THADA: variants seen among roughly 807,000 people sequenced by gnomAD.
The protein encoded by THADA is tRNA (32-2'-O)-methyltransferase regulator THADA.
In THADA, 213 loss-of-function variants were observed where a neutral mutation model predicts 219.8. That is an observed-to-expected ratio of 0.97 (90% CI 0.87 to 1.09). The LOEUF is 1.09. THADA is among the 50% of genes least tolerant of loss of function. The probability of loss-of-function intolerance (pLI) is 0.00; values close to 1 mark genes in which losing one functional copy is unlikely to be tolerated. For missense variants in THADA, 2,956 were observed against 2,311.3 expected, an observed-to-expected ratio of 1.28 and a Z score of -5.72; for synonymous variants, 1,018 against 828.9, an observed-to-expected ratio of 1.23 and a Z score of -3.92.
intron 26 of THADA, among the ~76,000 whole-genome samples, chr2:43,479,948 A>G (rs1685990958): frequency 6.6e-6 from 1 of 152,194 alleles, no homozygotes; most frequent in Non-Finnish European, 1.5e-5. Context: ...AAATCAACCT[A>G]CTATGTGGGA....
chr2:43,461,136 A>C (rs1683593554), intron 26 of THADA, among the ~76,000 whole-genome samples: 1 of 152,202 alleles, frequency 6.6e-6, no homozygotes, highest in African/African-American at 2.4e-5. Context: ...CTTATTTCTC[A>C]AACACTGGAA....
chr2:43,591,746 A>G (rs144403622), intron 3 of THADA, among the ~76,000 whole-genome samples: 28 of 152,328 alleles, frequency 1.8e-4, no homozygotes, highest in African/African-American at 6.5e-4. Context: ...TTTACAGTTC[A>G]ATTATGATAG....
Position 43,560,104 on chromosome 2 carries a change from T to C in THADA, c.2463+130A>G, listed in dbSNP as rs569115599. 40 of 724,768 alleles carry C rather than the reference T, an allele frequency of 5.5e-5. No individual in the cohort carries two copies. In the African/African-American group the frequency reaches 6.5e-4, roughly 12 times the overall value. The allele number at this position is 724,768 out of a possible 1,614,324, so 44.9% of individuals were successfully genotyped here. On this transcript the variant is annotated intron_variant, in intron 16 of 37. Coordinates refer to ENST00000405975, the MANE Select transcript of THADA (RefSeq NM_022065.5). ...CAAAATAGTAGAGAGGTGTTAATGA[T>C]AACTGAAAGAAACAGTCCAAAAACA...
At chr2:43,368,500 G>T (rs1670428095) in intron 29 of THADA, among the ~76,000 whole-genome samples, 1 of 151,966 alleles carries the variant, frequency 6.6e-6, no homozygotes, top group Non-Finnish European at 1.5e-5. Context: ...GGACTCAAGT[G>T]ATCCTCCCAC....
intron 26 of THADA, among the ~76,000 whole-genome samples, chr2:43,478,736 G>C (rs1246518375): frequency 6.6e-6 from 1 of 152,192 alleles, no homozygotes; most frequent in African/African-American, 2.4e-5. Context: ...CCACGTAAGA[G>C]TCAATATTTA....
chr2:43,428,638 A>G (rs1201574855), intron 27 of THADA, among the ~76,000 whole-genome samples: 2 of 152,148 alleles, frequency 1.3e-5, no homozygotes, highest in African/African-American at 4.8e-5. Flanking sequence ...GTGAGACTCC[A>G]CAATCAAGGG....
In THADA at chr2:43,581,898, T is replaced by C. The variant is rs1700502744; in HGVS notation, c.564A>G (p.Thr188=). ...RKCAGNHIIQ[T]QLMNDLLVGI... ...CTACCAGTAAGTCATTCATCAACTGTGTTTGAATAATATGATTTCCAGCAC... is the reference window on the plus strand; with the variant it reads ...CTACCAGTAAGTCATTCATCAACTGCGTTTGAATAATATGATTTCCAGCAC... Residue 188 remains threonine, a synonymous_variant, in exon 8 of 38, where the codon ACA becomes ACG. Transcript: ENST00000405975. 1.3e-6 allele frequency: 2 copies of C among 1,565,520 alleles called. No homozygotes were observed. The highest frequency in any genetic ancestry group is 2.1e-5 in the Admixed American group (1 of 48,650).
rs182699675 is a variant in THADA at position 43,341,481 on chromosome 2, G to T, written c.4343+2641C>A. 3.6e-3 allele frequency among the ~76,000 whole-genome samples: 550 copies of T among 152,246 alleles called. 10 individuals carry two copies. The highest frequency in any genetic ancestry group is 5.7e-3 in the Non-Finnish European group (386 of 68,016). On this transcript the variant is annotated intron_variant, in intron 30 of 37. Coordinates refer to ENST00000405975, the MANE Select transcript of THADA (RefSeq NM_022065.5). ...TGCAGAGGAAGCTGATGGCAGCTTTGTCAGCCATCTTCAGGCACTGCACAA... is the reference window on the plus strand; with the variant it reads ...TGCAGAGGAAGCTGATGGCAGCTTTTTCAGCCATCTTCAGGCACTGCACAA...
intron 21 of THADA, among the ~76,000 whole-genome samples, chr2:43,539,793 G>C (rs1458581479): frequency 2.0e-5 from 3 of 151,622 alleles, no homozygotes; most frequent in Non-Finnish European, 4.4e-5. Flanking sequence ...CTGTCTTTTT[G>C]TGATAATTGT....
chr2:43,535,675 CAAA>C (rs1177702416), intron 21 of THADA, among the ~76,000 whole-genome samples: 218 of 30,270 alleles, frequency 7.2e-3, no homozygotes, highest in Non-Finnish European at 0.011. Context: ...CAGCGAGACT[CAAA>C]AAAAAAAAAA....
At chr2:43,232,674 C>G in intron 37 of THADA, 39 bp downstream of exon 37, 2 of 1,607,880 alleles carry the variant, frequency 1.2e-6, no homozygotes, top group East Asian at 2.2e-5. Flanking sequence ...TTAGGACACT[C>G]CAACCCTGCC....
At chr2:43,528,941 A>T (rs1177811041) in intron 21 of THADA, among the ~76,000 whole-genome samples, 1 of 152,120 alleles carries the variant, frequency 6.6e-6, no homozygotes, top group Non-Finnish European at 1.5e-5. Context: ...TCCCAAATGG[A>T]AACTCCATAC....
chr2:43,479,180 C>T (rs13395290), intron 26 of THADA, among the ~76,000 whole-genome samples: 25,268 of 152,146 alleles, frequency 0.17, 2,900 homozygotes, highest in African/African-American at 0.32. Context: ...TAACTTCATA[C>T]TTTAAATCAG....
At chr2:43,510,844 A>G (rs772016568) in intron 22 of THADA, among the ~76,000 whole-genome samples, 2 of 151,456 alleles carry the variant, frequency 1.3e-5, no homozygotes, top group Non-Finnish European at 2.9e-5. Context: ...GGTGGCGGGC[A>G]CCTGTAATCC....
rs1384572571 is a variant in THADA, at chr2:43,297,273, G to A, written c.4439-4060C>T. Among the ~76,000 whole-genome samples the A allele has an allele frequency of 6.9e-5, 7 of 101,228 alleles. No individual in the cohort carries two copies. The East Asian group carries it at 1.5e-3, about 21-fold the overall frequency. 66.4% of individuals were successfully genotyped at this position (101,228 alleles called of 152,430 possible). ...AGGAGCGTCTCTGCCCGGCCACCCC[G>A]TCTGAGAAGTGAGGAGACCCTCTGC... On this transcript the variant is annotated intron_variant, in intron 31 of 37. Transcript: ENST00000405975.
At position 43,368,339 on chromosome 2, in the gene THADA, T is replaced by C. The variant is rs375381342; in HGVS notation, c.4228-24102A>G. Among the ~76,000 whole-genome samples the C allele has an allele frequency of 5.9e-5, 9 of 152,292 alleles. No individual in the cohort carries two copies. In the South Asian group the frequency reaches 1.9e-3, roughly 32 times the overall value. ...CTTGCCATACAAATCTAGTTTCTCT[T>C]TGCTCAAAGCTAAAAGCCCTCTCAA... On this transcript the variant is annotated intron_variant, in intron 29 of 37. Transcript: ENST00000405975.
intron 20 of THADA, among the ~76,000 whole-genome samples, 193 bp downstream of exon 20, chr2:43,549,017 C>T (rs374325789): frequency 6.6e-6 from 1 of 152,172 alleles, no homozygotes; most frequent in South Asian, 2.1e-4. Context: ...CTTGGCTCCA[C>T]CCCCCTGGTA....
chr2:43,366,243 A>C (rs1377096970), intron 29 of THADA, among the ~76,000 whole-genome samples: 1 of 152,222 alleles, frequency 6.6e-6, no homozygotes, highest in Non-Finnish European at 1.5e-5. Flanking sequence ...AATGAAATTA[A>C]TTTCACTTAA....
intron 35 of THADA, among the ~76,000 whole-genome samples, chr2:43,281,026 T>C (rs898270096): frequency 2.0e-5 from 3 of 152,164 alleles, no homozygotes; most frequent in African/African-American, 7.2e-5. Context: ...GGCCTGGGCT[T>C]GTGGAGGGTT....
Sources: allele counts gnomAD v4.1 joint callset (sites outside exome capture counted in the v4.1 genomes callset), GRCh38; gene constraint gnomAD v4.1.1; transcripts MANE v1.5; gene names NCBI Gene and HGNC (gene_info 2026-07-23, HGNC 2026-07-21).